The following NRXN1 variants were observed in gnomAD, a reference collection of about 807,000 sequenced individuals.
The protein encoded by NRXN1 is neurexin 1, also known as neurexin-1.
Under a neutral mutation model 150.9 loss-of-function variants are expected in NRXN1, and 39 were observed. The ratio of observed to expected loss-of-function variants is 0.26; its 90% confidence interval spans 0.20 to 0.34. The LOEUF is 0.34. Ranked by LOEUF, NRXN1 falls within the 10% of genes least tolerant of loss-of-function variation. The pLI, the probability that NRXN1 is intolerant of heterozygous loss-of-function variation, is 1.00. For synonymous variants in NRXN1, 924 were observed against 757.0 expected, an observed-to-expected ratio of 1.22 and a Z score of -3.62; for missense variants, 1,815 against 1,949.9, an observed-to-expected ratio of 0.93 and a Z score of 1.30.
intron 5 of NRXN1, among the ~76,000 whole-genome samples, chr2:50,672,241 A>G (rs1000984402): frequency 4.0e-5 from 6 of 151,892 alleles, no homozygotes; most frequent in Non-Finnish European, 7.4e-5. Context: ...ATGTATCATC[A>G]GCTTTCAGCT....
chr2:50,109,766 G>C (rs1702133083), intron 18 of NRXN1, among the ~76,000 whole-genome samples: 1 of 151,974 alleles, frequency 6.6e-6, no homozygotes, highest in Non-Finnish European at 1.5e-5. Flanking sequence ...TGAGGCCAGG[G>C]TACTATATTT....
chr2:50,512,910 T>C (rs1211107694), intron 12 of NRXN1, among the ~76,000 whole-genome samples: 1 of 152,170 alleles, frequency 6.6e-6, no homozygotes, highest in Non-Finnish European at 1.5e-5. Flanking sequence ...CACATACCTC[T>C]TTACATTTGG....
In NRXN1 at chr2:50,002,949, C is replaced by CA. The variant is rs546482630; in HGVS notation, c.4128+50321dup. Among the ~76,000 whole-genome samples, 832 of 152,200 alleles carry CA rather than the reference C, an allele frequency of 5.5e-3. 9 individuals are homozygous for CA. The highest frequency in any genetic ancestry group is 8.9e-3 in the Non-Finnish European group (605 of 68,002). ...ATGTTACAAAACAGTCTTGAAACCT[C>CA]AGAGGAATCTAGGCAACTCTTAAAA... On this transcript the variant is annotated intron_variant, in intron 21 of 22. Transcript: ENST00000401669.
intron 18 of NRXN1, among the ~76,000 whole-genome samples, chr2:50,192,016 A>G (rs2061477334): frequency 6.6e-6 from 1 of 152,146 alleles, no homozygotes; most frequent in Non-Finnish European, 1.5e-5. Context: ...ATACTTTCAT[A>G]AAGTTTTTTT....
chr2:50,317,595 G>C (rs796588796), intron 17 of NRXN1, among the ~76,000 whole-genome samples: 1 of 151,642 alleles, frequency 6.6e-6, no homozygotes, highest in African/African-American at 2.4e-5. Flanking sequence ...ACTAACAAAA[G>C]ACCTTCACGA....
chr2:50,642,748 T>C (rs1246097216), intron 5 of NRXN1, among the ~76,000 whole-genome samples: 2 of 151,914 alleles, frequency 1.3e-5, no homozygotes, highest in Admixed American at 1.3e-4. Flanking sequence ...ATATGCAGAG[T>C]TAAGCGTTTG....
intron 8 of NRXN1, among the ~76,000 whole-genome samples, chr2:50,565,671 T>C (rs1024590335): frequency 6.6e-6 from 1 of 152,072 alleles, no homozygotes; most frequent in East Asian, 1.9e-4. Flanking sequence ...TAAACACTAG[T>C]TTGAGAAAAT....
At chr2:50,896,672 C>A (rs539071031) in intron 5 of NRXN1, among the ~76,000 whole-genome samples, 2 of 152,026 alleles carry the variant, frequency 1.3e-5, no homozygotes, top group Non-Finnish European at 2.9e-5. Flanking sequence ...CATGGCGAAA[C>A]GCTGTCTCTA....
chr2:50,778,292 A>G (rs1703911101), intron 5 of NRXN1, among the ~76,000 whole-genome samples: 1 of 152,218 alleles, frequency 6.6e-6, no homozygotes. Flanking sequence ...TTTAAGGCAG[A>G]AAGTAAAGAG....
At chr2:50,925,177 C>T (rs1301505328) in intron 3 of NRXN1, among the ~76,000 whole-genome samples, 1 of 151,712 alleles carries the variant, frequency 6.6e-6, no homozygotes, top group Non-Finnish European at 1.5e-5. Context: ...CATGTTAACA[C>T]TTTGAAGATT....
intron 5 of NRXN1, among the ~76,000 whole-genome samples, chr2:50,715,791 G>A (rs1695796028): frequency 6.6e-6 from 1 of 152,104 alleles, no homozygotes; most frequent in Non-Finnish European, 1.5e-5. Flanking sequence ...CCTCTCTGAA[G>A]CCCTCGCTGA....
chr2:50,917,830 C>G (rs1356209142), intron 5 of NRXN1: 1 of 150,768 alleles, frequency 6.6e-6, no homozygotes, highest in Non-Finnish European at 1.5e-5. Context: ...ATATAGAAGC[C>G]CAAATGGACT....
At chr2:50,846,355 A>G (rs984317743) in intron 5 of NRXN1, among the ~76,000 whole-genome samples, 5 of 152,076 alleles carry the variant, frequency 3.3e-5, no homozygotes, top group African/African-American at 1.2e-4. Flanking sequence ...ACTCCAATCA[A>G]TTTGCTCATT....
At chr2:50,831,157 T>C (rs1574635076) in intron 5 of NRXN1, among the ~76,000 whole-genome samples, 1 of 152,270 alleles carries the variant, frequency 6.6e-6, no homozygotes, top group East Asian at 1.9e-4. Context: ...CAAATATGTG[T>C]GGTCAAATAA....
intron 17 of NRXN1, among the ~76,000 whole-genome samples, chr2:50,440,303 G>A (rs2085831058): frequency 6.6e-6 from 1 of 152,018 alleles, no homozygotes; most frequent in Admixed American, 6.5e-5. Context: ...TCTTAGAGCT[G>A]GACTTAAGTT....
At chr2:50,722,860 A>T (rs2105136104) in intron 5 of NRXN1, among the ~76,000 whole-genome samples, 1 of 152,266 alleles carries the variant, frequency 6.6e-6, no homozygotes, top group African/African-American at 2.4e-5. Context: ...TCACTCATAA[A>T]TCGTCTTGCC....
intron 21 of NRXN1, among the ~76,000 whole-genome samples, chr2:50,026,011 GTGGATA>G (rs1256510782): frequency 6.6e-6 from 1 of 152,188 alleles, no homozygotes; most frequent in Non-Finnish European, 1.5e-5. Flanking sequence ...TGGCTTAGTA[GTGGATA>G]TTAATCTCTT....
intron 5 of NRXN1, among the ~76,000 whole-genome samples, chr2:50,743,203 G>C (rs1219790413): frequency 6.6e-6 from 1 of 152,072 alleles, no homozygotes; most frequent in Non-Finnish European, 1.5e-5. Context: ...AGGTTAGGTG[G>C]GTCCCTACCT....
rs1278755225 is a variant in NRXN1, at chr2:51,027,899, G to A, written c.375C>T (p.Asn125=). 1 of 1,610,810 alleles carries A rather than the reference G, an allele frequency of 6.2e-7. No individual in the cohort carries two copies. Among genetic ancestry groups the A allele is most frequent in the Non-Finnish European group, 8.5e-7 (1 of 1,179,728 alleles). ...HSVRIRRQFR[N]TTLFIDQVEA... is the part of the protein sequence containing the mutation. ...CCACCTGGTCGATGAAGAGCGTGGT[G>A]TTGCGGAACTGGCGGCGGATGCGCA... is the stretch of plus-strand genomic sequence containing the variant. Residue 125 remains asparagine (N), a synonymous_variant, in exon 2 of 23, where the codon AAC becomes AAT. Coordinates refer to ENST00000401669, the MANE Select transcript of NRXN1 (RefSeq NM_001330078.2).
Sources: allele counts gnomAD v4.1 joint callset (sites outside exome capture counted in the v4.1 genomes callset), GRCh38; gene constraint gnomAD v4.1.1; transcripts MANE v1.5; gene names NCBI Gene and HGNC (gene_info 2026-07-23, HGNC 2026-07-21).